The following SUCLG2 variants were observed in gnomAD, a reference collection of about 807,000 sequenced individuals.
SUCLG2 encodes succinate--CoA ligase [GDP-forming] subunit beta, mitochondrial.
SUCLG2 carries 42 observed loss-of-function variants against 47.9 expected under a neutral mutation model. The observed-to-expected ratio is 0.88, with a 90% confidence interval of 0.69 to 1.14. SUCLG2 has a LOEUF of 1.14. Ranked by LOEUF, SUCLG2 falls within the 50% of genes most tolerant of loss-of-function variation. The pLI is 0.00. For synonymous variants in SUCLG2, 195 were observed against 197.3 expected, an observed-to-expected ratio of 0.99 and a Z score of 0.10; for missense variants, 571 against 525.9, an observed-to-expected ratio of 1.09 and a Z score of -0.84.
intron 2 of SUCLG2, among the ~76,000 whole-genome samples, chr3:67,549,416 A>G (rs1344018229): frequency 6.6e-6 from 1 of 152,240 alleles, no homozygotes; most frequent in Admixed American, 6.5e-5. Context: ...CTTAGAAGAT[A>G]AAAGCCAAAA....
At chr3:67,481,247 T>C (rs1050537391) in intron 9 of SUCLG2, among the ~76,000 whole-genome samples, 2 of 152,220 alleles carry the variant, frequency 1.3e-5, no homozygotes, top group Non-Finnish European at 1.5e-5. Context: ...TCTGTACTTA[T>C]CACAAACCTA....
chr3:67,593,397 A>G (rs1575802871), intron 2 of SUCLG2, among the ~76,000 whole-genome samples: 1 of 152,102 alleles, frequency 6.6e-6, no homozygotes, highest in South Asian at 2.1e-4. Context: ...TCTAACACAT[A>G]TAACACATTC....
At chr3:67,593,403 C>A (rs772920499) in intron 2 of SUCLG2, among the ~76,000 whole-genome samples, 3 of 152,022 alleles carry the variant, frequency 2.0e-5, no homozygotes, top group African/African-American at 4.8e-5. Context: ...ACATATAACA[C>A]ATTCAATTGT....
At chr3:67,646,110 A>AGAGGG (rs1701187052) in intron 1 of SUCLG2, among the ~76,000 whole-genome samples, 1 of 95,266 alleles carries the variant, frequency 1.0e-5, no homozygotes, top group African/African-American at 3.9e-5. Context: ...GGAGGGGAGG[A>AGAGGG]GAGGGGAGGG....
At chr3:67,623,973 C>T (rs1214760865) in intron 1 of SUCLG2, among the ~76,000 whole-genome samples, 1 of 152,238 alleles carries the variant, frequency 6.6e-6, no homozygotes, top group East Asian at 1.9e-4. Flanking sequence ...ACCATCTCCA[C>T]ACCCTGCAGT....
At chr3:67,594,112 A>T (rs1398722356) in intron 2 of SUCLG2, among the ~76,000 whole-genome samples, 1 of 152,200 alleles carries the variant, frequency 6.6e-6, no homozygotes, top group Non-Finnish European at 1.5e-5. Flanking sequence ...GTTTGCAGCC[A>T]AGCCCAGAGA....
At chr3:67,581,841 G>A (rs1468413820) in intron 2 of SUCLG2, among the ~76,000 whole-genome samples, 2 of 152,208 alleles carry the variant, frequency 1.3e-5, no homozygotes, top group Admixed American at 1.3e-4. Flanking sequence ...ATAGGATTCA[G>A]TCAGGTAAGG....
At chr3:67,398,678 C>T (rs1483301030) in intron 10 of SUCLG2, among the ~76,000 whole-genome samples, 2 of 152,102 alleles carry the variant, frequency 1.3e-5, no homozygotes, top group Non-Finnish European at 2.9e-5. Context: ...TGGGTATATA[C>T]CCAAAGGACT....
At chr3:67,573,951 G>C (rs781616895) in intron 2 of SUCLG2, among the ~76,000 whole-genome samples, 42 of 152,166 alleles carry the variant, frequency 2.8e-4, no homozygotes, top group Non-Finnish European at 1.2e-4. Context: ...TGTAGCATCT[G>C]TGTCATTGCT....
At chr3:67,555,970 T>C (rs1707149699) in intron 2 of SUCLG2, among the ~76,000 whole-genome samples, 1 of 152,204 alleles carries the variant, frequency 6.6e-6, no homozygotes, top group Admixed American at 6.5e-5. Flanking sequence ...GGGACATATA[T>C]AAACACTTGA....
chr3:67,432,362 T>C (rs1703507345), intron 9 of SUCLG2, among the ~76,000 whole-genome samples: 1 of 152,204 alleles, frequency 6.6e-6, no homozygotes, highest in South Asian at 2.1e-4. Context: ...TCTAGGACAG[T>C]ACTAGAGGTG....
chr3:67,650,668 A>C (rs559373759), intron 1 of SUCLG2, among the ~76,000 whole-genome samples: 1 of 152,202 alleles, frequency 6.6e-6, no homozygotes, highest in South Asian at 2.1e-4. Context: ...GAGGCAGGAG[A>C]ATCGCTTGTA....
intron 2 of SUCLG2, among the ~76,000 whole-genome samples, chr3:67,594,221 C>G (rs1210606264): frequency 6.6e-6 from 1 of 152,196 alleles, no homozygotes; most frequent in Non-Finnish European, 1.5e-5. Flanking sequence ...GAGGCAATAC[C>G]TAACTGACAT....
chr3:67,634,382 T>G (rs1700974579), intron 1 of SUCLG2, among the ~76,000 whole-genome samples: 1 of 152,186 alleles, frequency 6.6e-6, no homozygotes, highest in Non-Finnish European at 1.5e-5. Context: ...AGACCCACTC[T>G]CAATTTGTAA....
At chr3:67,633,485 T>C (rs556846864) in intron 1 of SUCLG2, among the ~76,000 whole-genome samples, 1 of 152,330 alleles carries the variant, frequency 6.6e-6, no homozygotes, top group Non-Finnish European at 1.5e-5. Context: ...TCCTTCATTC[T>C]GTATTTGATT....
At chr3:67,640,231 G>A (rs114130019) in intron 1 of SUCLG2, among the ~76,000 whole-genome samples, 2,580 of 152,256 alleles carry the variant, frequency 0.017, 36 homozygotes, top group Non-Finnish European at 0.025. Context: ...AACTCATCTC[G>A]TGTACTGCCA....
chr3:67,422,952 T>G (rs1247996184), intron 9 of SUCLG2, among the ~76,000 whole-genome samples: 3 of 152,164 alleles, frequency 2.0e-5, no homozygotes, highest in Non-Finnish European at 4.4e-5. Flanking sequence ...AATTATGTGG[T>G]CAGGGTCTTT....
intron 9 of SUCLG2, among the ~76,000 whole-genome samples, chr3:67,446,899 G>C (rs1441125423): frequency 6.6e-6 from 1 of 151,998 alleles, no homozygotes; most frequent in East Asian, 1.9e-4. Context: ...TCTATTAATT[G>C]CATACTTCCA....
At chr3:67,465,793 C>A (rs1211675073) in intron 9 of SUCLG2, among the ~76,000 whole-genome samples, 1 of 152,002 alleles carries the variant, frequency 6.6e-6, no homozygotes, top group Non-Finnish European at 1.5e-5. Flanking sequence ...GGGACCCTAG[C>A]ATATTTATTA....
Sources: allele counts gnomAD v4.1 joint callset (sites outside exome capture counted in the v4.1 genomes callset), GRCh38; gene constraint gnomAD v4.1.1; transcripts MANE v1.5; gene names NCBI Gene and HGNC (gene_info 2026-07-23, HGNC 2026-07-21).